The following KIAA1217 variants were observed in gnomAD, a reference collection of about 807,000 sequenced individuals.
KIAA1217 encodes the protein sickle tail protein homolog.
Under a neutral mutation model 163.9 loss-of-function variants are expected in KIAA1217, and 88 were observed. That is an observed-to-expected ratio of 0.54 (90% confidence interval 0.45 to 0.64). The LOEUF (loss-of-function observed/expected upper bound fraction) is 0.64. KIAA1217 is among the 30% of genes least tolerant of loss of function. The pLI, the probability that KIAA1217 is intolerant of heterozygous loss-of-function variation, is 0.00. For missense variants in KIAA1217, 2,372 were observed against 2,475.0 expected (o/e 0.96, Z 0.88); for synonymous variants, 903 against 923.1 (o/e 0.98, Z 0.39).
chr10:23,739,880 A>C (rs1839012526), intron 1 of KIAA1217, among the ~76,000 whole-genome samples: 1 of 152,216 alleles, frequency 6.6e-6, no homozygotes, highest in Non-Finnish European at 1.5e-5. Flanking sequence ...ATTCTGAAGC[A>C]GAGCCAACAT....
intron 1 of KIAA1217, among the ~76,000 whole-genome samples, chr10:23,820,702 G>A (rs1462903008): frequency 6.6e-6 from 1 of 152,176 alleles, no homozygotes; most frequent in Non-Finnish European, 1.5e-5. Context: ...GGTACAAGGT[G>A]GGGCTAAAGA....
In KIAA1217 at chr10:23,801,637, A is replaced by G. The variant is rs182007776; in HGVS notation, c.-321+106403A>G. Among the ~76,000 whole-genome samples the G allele has an allele frequency of 3.2e-4, 48 of 152,314 alleles. 1 individual carries two copies. Among genetic ancestry groups the G allele is most frequent in the Non-Finnish European group, 1.0e-4 (7 of 68,026 alleles). ...GAAGAATAATGACAAATATAAACTG[A>G]GAACTGAATATACCCAGGTATCTGA... On this transcript the variant is annotated intron_variant, in intron 1 of 18. Coordinates refer to the KIAA1217 transcript ENST00000376462.
intron 2 of KIAA1217, among the ~76,000 whole-genome samples, chr10:24,038,790 C>T (rs1848502596): frequency 7.0e-6 from 1 of 142,514 alleles, no homozygotes; most frequent in Non-Finnish European, 1.5e-5. Flanking sequence ...CTCACTCTGT[C>T]ACCCAGGCTG....
At chr10:23,902,233 G>A (rs1227876431) in intron 1 of KIAA1217, among the ~76,000 whole-genome samples, 2 of 152,098 alleles carry the variant, frequency 1.3e-5, no homozygotes, top group African/African-American at 2.4e-5. Context: ...AATGGATGGT[G>A]CTGGTGGCCA....
At chr10:24,179,150 A>G (rs1353970389) in intron 2 of KIAA1217, among the ~76,000 whole-genome samples, 1 of 152,232 alleles carries the variant, frequency 6.6e-6, no homozygotes, top group East Asian at 1.9e-4. Context: ...ATTGATGCTT[A>G]TATACCATTT....
intron 2 of KIAA1217, among the ~76,000 whole-genome samples, chr10:24,200,219 T>A (rs949628429): frequency 2.4e-4 from 36 of 151,702 alleles, no homozygotes; most frequent in African/African-American, 8.7e-4. Context: ...TTTAATTTTT[T>A]TTTTTTTTTA....
At chr10:24,116,000 T>C (rs1006388363) in intron 2 of KIAA1217, among the ~76,000 whole-genome samples, 2 of 152,158 alleles carry the variant, frequency 1.3e-5, no homozygotes, top group Non-Finnish European at 2.9e-5. Flanking sequence ...GCCCTCCCCT[T>C]GTGGCTTCAT....
chr10:23,994,346 G>A (rs1181508062), intron 1 of KIAA1217, among the ~76,000 whole-genome samples: 5 of 152,302 alleles, frequency 3.3e-5, no homozygotes, highest in Admixed American at 6.5e-5. Context: ...GACATCTGAT[G>A]TAGTGGAAAT....
At chr10:23,830,033 G>A (rs1053871993) in intron 1 of KIAA1217, among the ~76,000 whole-genome samples, 1 of 152,138 alleles carries the variant, frequency 6.6e-6, no homozygotes, top group Non-Finnish European at 1.5e-5. Context: ...TGCCAAATTT[G>A]TGCTATTTTG....
chr10:23,915,879 A>T (rs1249216441), intron 1 of KIAA1217, among the ~76,000 whole-genome samples: 1 of 152,160 alleles, frequency 6.6e-6, no homozygotes, highest in Non-Finnish European at 1.5e-5. Context: ...TCTGTCAAGG[A>T]GAAGGTCCTA....
chr10:23,967,850 C>T (rs2131384814), intron 1 of KIAA1217, among the ~76,000 whole-genome samples: 1 of 151,692 alleles, frequency 6.6e-6, no homozygotes, highest in Non-Finnish European at 1.5e-5. Context: ...GGCACTTAGA[C>T]ATTAGGTAAG....
At chr10:23,819,085 A>G (rs962122123) in intron 1 of KIAA1217, among the ~76,000 whole-genome samples, 3 of 152,240 alleles carry the variant, frequency 2.0e-5, no homozygotes, top group African/African-American at 7.2e-5. Context: ...AAATTGATTA[A>G]GAAAGCAATT....
intron 1 of KIAA1217, among the ~76,000 whole-genome samples, chr10:23,725,063 T>A (rs1304196952): frequency 6.6e-6 from 1 of 152,174 alleles, no homozygotes; most frequent in Non-Finnish European, 1.5e-5. Flanking sequence ...GTGCCTCCCC[T>A]CTGGCCTGCC....
At chr10:24,381,112 G>T (rs1223358744) in intron 3 of KIAA1217, 45 bp downstream of exon 3, 1 of 1,420,964 alleles carries the variant, frequency 7.0e-7, no homozygotes, top group Non-Finnish European at 9.5e-7. Flanking sequence ...CTTACTGAAT[G>T]CGTTTGTTGT....
At chr10:24,518,701 T>G (rs2070605563) in intron 10 of KIAA1217, among the ~76,000 whole-genome samples, 1 of 152,180 alleles carries the variant, frequency 6.6e-6, no homozygotes. Context: ...ACCATATTTA[T>G]TTAGAGCCCT....
At chr10:23,902,493 A>G (rs1841998079) in intron 1 of KIAA1217, among the ~76,000 whole-genome samples, 1 of 152,056 alleles carries the variant, frequency 6.6e-6, no homozygotes, top group South Asian at 2.1e-4. Context: ...GCTCAGGCAA[A>G]GCTTCTTGTT....
At chr10:23,812,712 G>C (rs71493345) in intron 1 of KIAA1217, among the ~76,000 whole-genome samples, 1,712 of 152,168 alleles carry the variant, frequency 0.011, 20 homozygotes, top group Non-Finnish European at 0.017. Flanking sequence ...TTCTACTCCA[G>C]CACTAGTTTA....
intron 2 of KIAA1217, among the ~76,000 whole-genome samples, chr10:24,344,477 G>C (rs1237619967): frequency 6.6e-6 from 1 of 152,222 alleles, no homozygotes. Flanking sequence ...TCTTCTTGCA[G>C]AGCAGGAAGT....
chr10:24,427,840 A>G (rs971868745), intron 3 of KIAA1217, among the ~76,000 whole-genome samples: 2 of 152,216 alleles, frequency 1.3e-5, no homozygotes, highest in African/African-American at 4.8e-5. Context: ...GCCATCGGAT[A>G]TTAAGAGAAT....
Sources: allele counts gnomAD v4.1 joint callset (sites outside exome capture counted in the v4.1 genomes callset), GRCh38; gene constraint gnomAD v4.1.1; transcripts MANE v1.5; gene names NCBI Gene and HGNC (gene_info 2026-07-23, HGNC 2026-07-21).